The following ZNF775 variants were observed in gnomAD, a reference collection of about 807,000 sequenced individuals.
ZNF775 encodes the protein zinc finger protein 775.
Under a neutral mutation model 2.4 loss-of-function variants are expected in ZNF775, and 1 was observed. The ratio of observed to expected loss-of-function variants is 0.41; its 90% CI spans 0.15 to 1.94. ZNF775 has a LOEUF of 1.94. ZNF775 is among the 30% of genes most tolerant of loss of function. The pLI is 0.30. For missense variants in ZNF775, 823 were observed against 826.6 expected, an observed-to-expected ratio of 1.00 and a Z score of 0.05; for synonymous variants, 381 against 373.3, an observed-to-expected ratio of 1.02 and a Z score of -0.24.
intron 1 of ZNF775, among the ~76,000 whole-genome samples, chr7:150,381,875 A>G (rs1800368176): frequency 1.3e-5 from 2 of 150,064 alleles, no homozygotes; most frequent in African/African-American, 4.9e-5. Context: ...GGGAAGGGTC[A>G]GGGCTGGGAG....
chr7:150,390,513 A>G (rs953744925), intron 2 of ZNF775, among the ~76,000 whole-genome samples: 8 of 152,202 alleles, frequency 5.3e-5, no homozygotes, highest in African/African-American at 1.9e-4. Flanking sequence ...CTGTGTGTAT[A>G]CATAGAGACA....
In ZNF775 at chr7:150,379,353, G is replaced by C. The variant is rs1018349947; in HGVS notation, c.-89G>C. On this transcript the variant is annotated 5_prime_UTR_variant, in exon 1 of 3. Coordinates refer to ENST00000329630, the MANE Select transcript of ZNF775 (RefSeq NM_173680.4). ...GGAGCCCGGTGCCCAAGTCGCCCTCGGGGTGGCAGTTCCCGTTAACCTTAG... is the reference window on the plus strand; with the variant it reads ...GGAGCCCGGTGCCCAAGTCGCCCTCCGGGTGGCAGTTCCCGTTAACCTTAG... The C allele has an allele frequency of 6.6e-6, 1 of 152,208 alleles. No homozygotes were observed. Among genetic ancestry groups the C allele is most frequent in the Non-Finnish European group, 1.5e-5 (1 of 68,028 alleles). The allele number at this position is 152,208 out of a possible 1,614,324, so 9.4% of individuals were successfully genotyped here.
intron 2 of ZNF775, among the ~76,000 whole-genome samples, chr7:150,395,932 A>G (rs1160389096): frequency 1.3e-5 from 2 of 151,966 alleles, no homozygotes; most frequent in Non-Finnish European, 2.9e-5. Context: ...CTCCCCCGCC[A>G]TGGCTTCTGC....
intron 2 of ZNF775, among the ~76,000 whole-genome samples, chr7:150,390,201 TATGGATACCTG>T (rs1800538606): frequency 6.6e-6 from 1 of 152,080 alleles, no homozygotes; most frequent in African/African-American, 2.4e-5. Context: ...GCGCTCTTCA[TATGGATACCTG>T]AACCCTCGGG....
intron 1 of ZNF775, among the ~76,000 whole-genome samples, chr7:150,381,295 T>C (rs764212008): frequency 3.9e-5 from 6 of 152,030 alleles, no homozygotes; most frequent in East Asian, 1.9e-4. Context: ...TGGGGTTGAA[T>C]TGGGGACCTC....
Position 150,396,653 on chromosome 7 carries a change from G to A in ZNF775, c.172G>A (p.Gly58Arg). Residue 58 changes from glycine to arginine, a missense_variant, in exon 3 of 3, where the codon GGG becomes AGG. By Grantham distance (125) the Gly-to-Arg change is moderately radical. Coordinates refer to ENST00000329630, the MANE Select transcript of ZNF775 (RefSeq NM_173680.4). ...GGGCCTCCCGCCACGCCAGACCATGGGGCGGCCTCGAGCCCTGGGGGGACA... is the reference window on the plus strand; with the variant it reads ...GGGCCTCCCGCCACGCCAGACCATGAGGCGGCCTCGAGCCCTGGGGGGACA... ...HRGLPPRQTM[G>R]RPRALGGQEE... 6.2e-7 allele frequency: 1 copy of A among 1,611,462 alleles called. No homozygotes were observed. The highest frequency in any genetic ancestry group is 8.5e-7 in the Non-Finnish European group (1 of 1,179,586).
Position 150,397,989 on chromosome 7 carries a change from T to C in ZNF775, c.1508T>C (p.Leu503Pro), listed in dbSNP as rs111426426. The change falls in exon 3 of 3, where the codon CTG becomes CCG. Residue 503 changes from leucine (L) to proline (P), a missense_variant. Coordinates refer to ENST00000329630, the MANE Select transcript of ZNF775 (RefSeq NM_173680.4). Reference protein sequence around the residue: ...RRNHTGERPYLCPACGRGFSQ... With the variant: ...RRNHTGERPYPCPACGRGFSQ... ...AACCACACAGGCGAGCGGCCCTACC[T>C]GTGTCCCGCCTGCGGCCGCGGCTTC... The C allele has an allele frequency of 1.9e-6, 3 of 1,594,864 alleles. No individual in the cohort carries two copies. Among genetic ancestry groups the C allele is most frequent in the Middle Eastern group, 1.7e-4 (1 of 6,048 alleles).
At chr7:150,387,742 G>A (rs1475140871) in intron 1 of ZNF775, among the ~76,000 whole-genome samples, 3 of 152,012 alleles carry the variant, frequency 2.0e-5, no homozygotes, top group Non-Finnish European at 4.4e-5. Context: ...CCTGGGAGGC[G>A]GAGCTTGCAG....
In ZNF775 at chr7:150,380,402, A is replaced by G. The variant is rs1800340724; in HGVS notation, c.-50+1010A>G. Among the ~76,000 whole-genome samples, 4 of 152,212 alleles carry G rather than the reference A, an allele frequency of 2.6e-5. No individual in the cohort carries two copies. In the South Asian group the frequency reaches 8.3e-4, roughly 31 times the overall value. Reference sequence around the variant, plus strand: ...GATGCATGTAGTCTTGTGCAGACTAACAAATTGATGACAATGATGATTCCA... The same window carrying G: ...GATGCATGTAGTCTTGTGCAGACTAGCAAATTGATGACAATGATGATTCCA... On this transcript the variant is annotated intron_variant, in intron 1 of 2. Coordinates refer to ENST00000329630, the MANE Select transcript of ZNF775 (RefSeq NM_173680.4).
rs767557126 is a variant in ZNF775, at chr7:150,396,497, C to T, written c.32-16C>T. ...AGTGACCTCTCTCCCTCCTCTCTCC[C>T]GCTTGCCTCTGGCAGGAGCTGGGCT... On this transcript the variant is annotated splice_polypyrimidine_tract_variant and intron_variant, in intron 2 of 2. Coordinates refer to ENST00000329630, the MANE Select transcript of ZNF775 (RefSeq NM_173680.4). 6 of 1,570,626 alleles carry T rather than the reference C, an allele frequency of 3.8e-6. No individual in the cohort carries two copies. Among genetic ancestry groups the T allele is most frequent in the Middle Eastern group, 2.1e-4 (1 of 4,786 alleles).
At chr7:150,389,397 G>A (rs564814420) in intron 2 of ZNF775, among the ~76,000 whole-genome samples, 8 of 152,378 alleles carry the variant, frequency 5.3e-5, no homozygotes, top group Admixed American at 3.9e-4. Context: ...AAAGAGAAAC[G>A]TGGCCGCAAG....
At chr7:150,386,402 C>G (rs1800452498) in intron 1 of ZNF775, among the ~76,000 whole-genome samples, 1 of 152,162 alleles carries the variant, frequency 6.6e-6, no homozygotes, top group Non-Finnish European at 1.5e-5. Context: ...TCTCTTTGCA[C>G]CAGGGAAAAT....
chr7:150,381,594 G>A (rs1800363220), intron 1 of ZNF775, among the ~76,000 whole-genome samples: 1 of 118,068 alleles, frequency 8.5e-6, no homozygotes, highest in Non-Finnish European at 1.6e-5. Context: ...TAACAATTCT[G>A]TACCACGAGC....
chr7:150,398,221 G>A lies in ZNF775; in HGVS notation c.*126G>A. On this transcript the variant is annotated 3_prime_UTR_variant, in exon 3 of 3. Transcript: ENST00000329630. ...GAGCGGGACCGGTGGATTCCTTAAG[G>A]CTCTGAAGGGCTGAGAACAGTTCTA... The A allele has an allele frequency of 7.2e-7, 1 of 1,390,870 alleles. No homozygotes were observed. The highest frequency in any genetic ancestry group is 9.5e-7 in the Non-Finnish European group (1 of 1,049,268). The allele number at this position is 1,390,870 out of a possible 1,614,324, so 86.2% of individuals were successfully genotyped here.
Position 150,385,163 on chromosome 7 carries a change from C to G in ZNF775, c.-49-3259C>G, listed in dbSNP as rs377025707. Among the ~76,000 whole-genome samples the G allele has an allele frequency of 9.1e-3, 1,387 of 152,272 alleles. 22 individuals carry two copies. The highest frequency in any genetic ancestry group is 0.032 in the African/African-American group (1,319 of 41,538). On this transcript the variant is annotated intron_variant, in intron 1 of 2. Coordinates refer to ENST00000329630, the MANE Select transcript of ZNF775 (RefSeq NM_173680.4). Reference sequence around the variant, plus strand: ...CCCCCAGCACCCATCAGAGCCCCACCAGGGGCTCCTCCCGCCCCCTTCCCC... The same window carrying G: ...CCCCCAGCACCCATCAGAGCCCCACGAGGGGCTCCTCCCGCCCCCTTCCCC...
At chr7:150,388,256 G>T (rs1009480849) in intron 1 of ZNF775, among the ~76,000 whole-genome samples, 166 bp from the exon 2 acceptor site, 2 of 152,182 alleles carry the variant, frequency 1.3e-5, no homozygotes, top group African/African-American at 4.8e-5. Flanking sequence ...CTTCTCAGCA[G>T]GTATGCTTAC....
At chr7:150,389,951 G>C (rs1417472426) in intron 2 of ZNF775, among the ~76,000 whole-genome samples, 1 of 146,334 alleles carries the variant, frequency 6.8e-6, no homozygotes, top group Non-Finnish European at 1.5e-5. Context: ...ACTTACCATT[G>C]TAACCATTTT....
At chr7:150,385,016 C>G (rs1469545923) in intron 1 of ZNF775, among the ~76,000 whole-genome samples, 2 of 152,234 alleles carry the variant, frequency 1.3e-5, no homozygotes, top group East Asian at 1.9e-4. Flanking sequence ...TCTCTGTCCA[C>G]TAGCCCCTCT....
intron 2 of ZNF775, among the ~76,000 whole-genome samples, chr7:150,390,349 T>G (rs537343234): frequency 2.6e-4 from 40 of 152,246 alleles, no homozygotes; most frequent in African/African-American, 9.4e-4. Flanking sequence ...CTTCGGCAGG[T>G]GGATGTGACA....
Sources: gnomAD v4.1 joint callset for allele counts (sites outside exome capture counted in the v4.1 genomes callset) on GRCh38, gnomAD v4.1.1 for gene constraint, MANE v1.5 for transcripts, NCBI Gene and HGNC (gene_info 2026-07-23, HGNC 2026-07-21) for gene names.